CARMIL1: variants seen among roughly 807,000 people sequenced by gnomAD.
CARMIL1 encodes the protein capping protein regulator and myosin 1 linker 1.
CARMIL1 carries 90 observed loss-of-function variants against 177.1 expected under a neutral mutation model. That is an observed-to-expected ratio of 0.51 (90% CI 0.43 to 0.61). The LOEUF (loss-of-function observed/expected upper bound fraction) is 0.61. Among genes scored for constraint, CARMIL1 ranks in the 20% least tolerant of loss-of-function variants. The pLI is 0.00. For missense variants in CARMIL1, 1,380 were observed against 1,667.0 expected (o/e 0.83, Z 3.00); for synonymous variants, 577 against 606.2 (o/e 0.95, Z 0.71).
intron 29 of CARMIL1, among the ~76,000 whole-genome samples, chr6:25,559,060 G>A (rs897677468): frequency 2.4e-4 from 37 of 152,148 alleles, no homozygotes; most frequent in Non-Finnish European, 4.7e-4. Flanking sequence ...TAATAATTTC[G>A]TGTATACTTT....
intron 11 of CARMIL1, among the ~76,000 whole-genome samples, chr6:25,480,526 A>G (rs948238737): frequency 6.6e-5 from 10 of 151,350 alleles, no homozygotes; most frequent in Non-Finnish European, 1.3e-4. Flanking sequence ...TCACTTCTGA[A>G]TACATGTATC....
At chr6:25,488,049 T>G (rs1802836984) in intron 12 of CARMIL1, among the ~76,000 whole-genome samples, 1 of 152,222 alleles carries the variant, frequency 6.6e-6, no homozygotes, top group African/African-American at 2.4e-5. Context: ...ACTTCTCTTT[T>G]TAACTTCCCA....
intron 1 of CARMIL1, 143 bp downstream of exon 1, chr6:25,279,978 G>C (rs1250692177): frequency 1.0e-6 from 1 of 977,656 alleles, no homozygotes; most frequent in Non-Finnish European, 1.6e-6. Context: ...GGTCACTGGG[G>C]GTGCCGGGAA....
At chr6:25,450,431 T>G (rs533023516) in intron 7 of CARMIL1, 22 bp downstream of exon 7, 1 of 1,570,058 alleles carries the variant, frequency 6.4e-7, no homozygotes, top group South Asian at 1.1e-5. Flanking sequence ...TGTGTACATG[T>G]GCATGAGCAC....
intron 35 of CARMIL1, among the ~76,000 whole-genome samples, chr6:25,607,340 CA>C (rs1464953585): frequency 3.9e-5 from 6 of 152,022 alleles, no homozygotes; most frequent in Middle Eastern, 3.2e-3. Flanking sequence ...AAAAATTAGT[CA>C]AACAGGGATA....
intron 2 of CARMIL1, among the ~76,000 whole-genome samples, chr6:25,355,628 C>T (rs147167630): frequency 8.5e-4 from 130 of 152,192 alleles, no homozygotes; most frequent in Middle Eastern, 3.4e-3. Context: ...GAGTTATGAT[C>T]GCACCACTGC....
intron 2 of CARMIL1, among the ~76,000 whole-genome samples, chr6:25,312,043 G>A (rs1783863839): frequency 6.6e-6 from 1 of 152,210 alleles, no homozygotes; most frequent in Non-Finnish European, 1.5e-5. Context: ...ATATTGTCCT[G>A]TGCTCATGGA....
Position 25,600,377 on chromosome 6 carries a change from G to T in CARMIL1, c.3183G>T (p.Lys1061Asn). The T allele has an allele frequency of 1.2e-6, 2 of 1,613,972 alleles. No individual in the cohort carries two copies. The highest frequency in any genetic ancestry group is 1.7e-6 in the Non-Finnish European group (2 of 1,179,882). ...ATGAAGGAGGAGATGAAAAGAAAAA[G>T]CGAGATTCTCGGAAAAGTAGTGGCT... ...ELNEGGDEKK[K>N]RDSRKSSGFL... is the part of the protein sequence containing the mutation. Residue 1061 changes from lysine (K) to asparagine (N), a missense_variant, in exon 33 of 37, where the codon AAG (lysine) becomes AAT (asparagine). Lys to Asn is a moderately conservative substitution (Grantham distance 94, BLOSUM62 0). Coordinates refer to ENST00000329474, the MANE Select transcript of CARMIL1 (RefSeq NM_017640.6).
At chr6:25,347,962 T>C (rs1355213905) in intron 2 of CARMIL1, among the ~76,000 whole-genome samples, 1 of 152,188 alleles carries the variant, frequency 6.6e-6, no homozygotes, top group Non-Finnish European at 1.5e-5. Context: ...CATGAGAGTG[T>C]ACAGTAAGTC....
intron 5 of CARMIL1, among the ~76,000 whole-genome samples, chr6:25,445,949 A>G (rs1045582184): frequency 2.6e-5 from 4 of 152,210 alleles, no homozygotes; most frequent in Admixed American, 6.5e-5. Context: ...GGCCAGGTGC[A>G]TTGTTAATGA....
At chr6:25,609,457 C>A (rs1816310264) in intron 35 of CARMIL1, among the ~76,000 whole-genome samples, 1 of 125,698 alleles carries the variant, frequency 8.0e-6, no homozygotes, top group Non-Finnish European at 1.7e-5. Context: ...CAGAGCAAGA[C>A]TCCATCTCAA....
intron 12 of CARMIL1, 118 bp downstream of exon 12, chr6:25,482,461 A>G (rs914970448): frequency 1.1e-5 from 6 of 528,352 alleles, no homozygotes; most frequent in Non-Finnish European, 1.9e-5. Flanking sequence ...TTTAAAATAT[A>G]TGTATTATAT....
At chr6:25,474,865 G>A (rs976776516) in intron 11 of CARMIL1, among the ~76,000 whole-genome samples, 1 of 152,186 alleles carries the variant, frequency 6.6e-6, no homozygotes, top group African/African-American at 2.4e-5. Flanking sequence ...TCTAGAGGGA[G>A]GTAGTTGTTT....
At chr6:25,446,656 A>G (rs1038785214) in intron 5 of CARMIL1, among the ~76,000 whole-genome samples, 3 of 152,186 alleles carry the variant, frequency 2.0e-5, no homozygotes, top group African/African-American at 7.2e-5. Context: ...ACTTCCTTCA[A>G]TAACTTTTCC....
chr6:25,412,181 G>T (rs944493228), intron 2 of CARMIL1, among the ~76,000 whole-genome samples: 2 of 152,226 alleles, frequency 1.3e-5, no homozygotes, highest in East Asian at 3.8e-4. Context: ...CAGACACCAT[G>T]TAGCAATTCT....
At chr6:25,317,045 T>G (rs1378646669) in intron 2 of CARMIL1, among the ~76,000 whole-genome samples, 1 of 152,146 alleles carries the variant, frequency 6.6e-6, no homozygotes, top group Non-Finnish European at 1.5e-5. Flanking sequence ...AACTAAAAGG[T>G]GTCACTGAGG....
intron 1 of CARMIL1, among the ~76,000 whole-genome samples, chr6:25,284,493 T>C (rs1440646681): frequency 2.6e-5 from 4 of 152,206 alleles, no homozygotes; most frequent in Admixed American, 2.6e-4. Context: ...GCGGATCACT[T>C]GAGGTCAGGA....
intron 29 of CARMIL1, chr6:25,563,467 A>G: frequency 1.0e-6 from 1 of 985,370 alleles, no homozygotes; most frequent in Non-Finnish European, 1.2e-6. Context: ...GAAGTCCTTA[A>G]AGAGGACTTG....
Position 25,330,414 on chromosome 6 carries a change from C to T in CARMIL1, c.138+45505C>T, listed in dbSNP as rs138551950. 7.2e-5 allele frequency among the ~76,000 whole-genome samples: 11 copies of T among 152,246 alleles called. No individual in the cohort carries two copies. In the East Asian group the frequency reaches 7.7e-4, roughly 11 times the overall value. Reference sequence around the variant, plus strand: ...GGCTTTGATGAAGATTTTGGGGAGCCAGGGAAGAAGGGGAGAGATGATCAG... The same window carrying T: ...GGCTTTGATGAAGATTTTGGGGAGCTAGGGAAGAAGGGGAGAGATGATCAG... On this transcript the variant is annotated intron_variant, in intron 2 of 36. Transcript: ENST00000329474.
Sources: gnomAD v4.1 joint callset for allele counts (sites outside exome capture counted in the v4.1 genomes callset) on GRCh38, gnomAD v4.1.1 for gene constraint, MANE v1.5 for transcripts, NCBI Gene and HGNC (gene_info 2026-07-23, HGNC 2026-07-21) for gene names.